Variants in QRICH1 observed in about 807,000 individuals in gnomAD.
QRICH1 encodes the protein glutamine rich 1, also known as transcriptional regulator QRICH1.
A neutral mutation model predicts 87.1 loss-of-function variants in QRICH1; 16 were observed. That is an observed-to-expected ratio of 0.18 (90% CI 0.12 to 0.28). QRICH1 has a LOEUF of 0.28. Among genes scored for constraint, QRICH1 ranks in the 10% least tolerant of loss-of-function variants. QRICH1 has a pLI of 1.00. For synonymous variants in QRICH1, 367 were observed against 368.4 expected, an observed-to-expected ratio of 1.00 and a Z score of 0.05; for missense variants, 647 against 951.7, an observed-to-expected ratio of 0.68 and a Z score of 4.21.
rs1348563115 is a variant in QRICH1, at chr3:49,046,357, TAACTA to T, written c.1671+63_1671+67del. ...TTTAACTTCTTGCTTATCAATTTAT[TAACTA>T]AACTAGCAAACATCCAATAGGAACA... On this transcript the variant is annotated intron_variant, in intron 5 of 9. Transcript: ENST00000395443. The T allele has an allele frequency of 2.3e-5, 34 of 1,463,898 alleles. 1 individual carries two copies. The Middle Eastern group carries it at 7.2e-4, about 31-fold the overall frequency. The allele number at this position is 1,463,898 out of a possible 1,614,324, so 90.7% of individuals were successfully genotyped here.
intron 1 of QRICH1, among the ~76,000 whole-genome samples, chr3:49,085,415 A>G (rs1244267671): frequency 6.6e-6 from 1 of 151,928 alleles, no homozygotes; most frequent in East Asian, 1.9e-4. Context: ...GGTAACAGAC[A>G]CGTAATTCTG....
chr3:49,078,353 AAATTC>A (rs1207076528), intron 1 of QRICH1, among the ~76,000 whole-genome samples: 1 of 150,692 alleles, frequency 6.6e-6, no homozygotes, highest in Admixed American at 6.6e-5. Context: ...GCTGCATTTG[AAATTC>A]AATGTGGAAA....
chr3:49,056,804 T>C, intron 3 of QRICH1, 58 bp downstream of exon 3: 1 of 1,613,012 alleles, frequency 6.2e-7, no homozygotes, highest in Non-Finnish European at 8.5e-7. Context: ...GCAAGCTCTG[T>C]GCTGCACTGG....
At chr3:49,050,888 C>A (rs1391225535) in intron 3 of QRICH1, among the ~76,000 whole-genome samples, 1 of 152,146 alleles carries the variant, frequency 6.6e-6, no homozygotes, top group Non-Finnish European at 1.5e-5. Flanking sequence ...CCCCTCCTCC[C>A]CACCACCCAC....
chr3:49,078,987 G>A (rs2042006194), intron 1 of QRICH1, among the ~76,000 whole-genome samples: 2 of 151,874 alleles, frequency 1.3e-5, no homozygotes, highest in Non-Finnish European at 2.9e-5. Flanking sequence ...CCACCCAATT[G>A]GTTTCTGTAA....
At position 49,057,803 on chromosome 3, in the gene QRICH1, T is replaced by C; in HGVS notation, c.397A>G (p.Ile133Val). ...LTVHQPTEQP[I>V]QVQVQIQGQA... The stretch of plus-strand genomic sequence containing the variant: ...CCTTGGATCTGCACCTGGACCTGGA[T>C]GGGTTGCTCAGTAGGCTGGTGAACG... The change falls in exon 3 of 10, where the codon ATC becomes GTC. Residue 133 changes from isoleucine to valine, a missense_variant. Ile to Val is a conservative substitution (Grantham distance 29, BLOSUM62 3). This residue lies in a region of QRICH1 where 156 missense variants were observed against 164.5 expected (regional missense o/e 0.95). Transcript: ENST00000395443. The surrounding 1 kb of genome is among the most constrained non-coding windows in gnomAD (Gnocchi z 5.4). 1 of 1,613,976 alleles carries C rather than the reference T, an allele frequency of 6.2e-7. No homozygotes were observed. The highest frequency in any genetic ancestry group is 8.5e-7 in the Non-Finnish European group (1 of 1,179,970).
At chr3:49,087,495 C>T (rs767477339) in intron 1 of QRICH1, among the ~76,000 whole-genome samples, 2 of 141,330 alleles carry the variant, frequency 1.4e-5, no homozygotes, top group African/African-American at 5.3e-5. Context: ...CAGTGAGCCA[C>T]GATCGCACCA....
chr3:49,041,339 A>ATGTG (rs34898562), intron 6 of QRICH1, among the ~76,000 whole-genome samples: 61 of 149,314 alleles, frequency 4.1e-4, no homozygotes, highest in African/African-American at 1.4e-3. Context: ...GATATTTAAT[A>ATGTG]TGTGTGTGTG....
At chr3:49,093,456 A>G (rs1001563395) in intron 1 of QRICH1, 1 of 151,916 alleles carries the variant, frequency 6.6e-6, no homozygotes. Context: ...CCCTCTGCTC[A>G]GCAGAAGCCT....
Position 49,044,524 on chromosome 3 carries a change from T to G in QRICH1, c.1672-20A>C. ...AAGATACTAAAAGAAAAACAATTAA[T>G]AGAAGTTATTGGTAGTCTCCTGAAC... On this transcript the variant is annotated intron_variant, in intron 5 of 9. Transcript: ENST00000395443. The G allele has an allele frequency of 6.6e-7, 1 of 1,512,822 alleles. No individual in the cohort carries two copies. The allele number at this position is 1,512,822 out of a possible 1,614,324, so 93.7% of individuals were successfully genotyped here. A position where few individuals can be genotyped will look rare whatever the true frequency, so the allele number is the denominator to read the frequency against.
intron 2 of QRICH1, among the ~76,000 whole-genome samples, chr3:49,065,838 G>T (rs1478728915): frequency 6.6e-6 from 1 of 151,972 alleles, no homozygotes; most frequent in African/African-American, 2.4e-5. Flanking sequence ...CCGCCACCAC[G>T]CCCGCTAATT....
intron 6 of QRICH1, 100 bp downstream of exon 6, chr3:49,044,290 T>TC: frequency 2.2e-6 from 2 of 898,674 alleles, no homozygotes; most frequent in Non-Finnish European, 3.5e-6. Context: ...GGGATTTATA[T>TC]CCCCCCTCAC....
At chr3:49,049,403 C>T (rs1401379264) in intron 3 of QRICH1, among the ~76,000 whole-genome samples, 1 of 151,892 alleles carries the variant, frequency 6.6e-6, no homozygotes, top group Non-Finnish European at 1.5e-5. Context: ...TGAGACAGTG[C>T]CACTGCACTC....
chr3:49,078,194 T>G (rs1027366611), intron 1 of QRICH1, among the ~76,000 whole-genome samples: 2 of 152,160 alleles, frequency 1.3e-5, no homozygotes, highest in Non-Finnish European at 2.9e-5. Flanking sequence ...TACACTAGAC[T>G]GACCAGATGC....
intron 1 of QRICH1, among the ~76,000 whole-genome samples, chr3:49,079,771 G>A (rs1263596684): frequency 6.6e-6 from 1 of 152,114 alleles, no homozygotes; most frequent in Non-Finnish European, 1.5e-5. Flanking sequence ...GCTCACGCCT[G>A]TAATCCCAGC....
intron 6 of QRICH1, among the ~76,000 whole-genome samples, chr3:49,040,256 A>G (rs142240044): frequency 2.0e-4 from 31 of 152,350 alleles, no homozygotes; most frequent in African/African-American, 7.5e-4. Context: ...CTGTTCCAAC[A>G]ATAGCCCTCC....
At chr3:49,046,403 C>T in intron 5 of QRICH1, 22 bp downstream of exon 5, 11 of 1,602,794 alleles carry the variant, frequency 6.9e-6, no homozygotes, top group Non-Finnish European at 9.4e-6. Context: ...CAAACATGTT[C>T]TTGTGAAGAT....
chr3:49,035,066 G>A (rs1353100620), intron 6 of QRICH1, among the ~76,000 whole-genome samples: 3 of 152,038 alleles, frequency 2.0e-5, no homozygotes, highest in Non-Finnish European at 4.4e-5. Flanking sequence ...CGGCTATTTT[G>A]TGACCCAGTG....
chr3:49,090,607 G>A (rs1369605982), intron 1 of QRICH1, among the ~76,000 whole-genome samples: 1 of 130,356 alleles, frequency 7.7e-6, no homozygotes, highest in African/African-American at 2.9e-5. Flanking sequence ...CAGCCTGGGC[G>A]ACAAGAGTGA....
Sources: allele counts gnomAD v4.1 joint callset (sites outside exome capture counted in the v4.1 genomes callset), GRCh38; gene constraint gnomAD v4.1.1; regional missense constraint gnomAD v4.1.1; non-coding constraint Gnocchi (gnomAD v3.1); transcripts MANE v1.5; gene names NCBI Gene and HGNC (gene_info 2026-07-23, HGNC 2026-07-21).